The following SAMD13 variants were observed in gnomAD, a reference collection of about 807,000 sequenced individuals.
The protein encoded by SAMD13 is sterile alpha motif domain containing 13, also known as sterile alpha motif domain-containing protein 13.
Under a neutral mutation model 12.4 loss-of-function variants are expected in SAMD13, and 9 were observed. The ratio of observed to expected loss-of-function variants is 0.72; its 90% confidence interval spans 0.44 to 1.26. The LOEUF is 1.26. Among genes scored for constraint, SAMD13 ranks in the 50% most tolerant of loss-of-function variants. The pLI, the probability that SAMD13 is intolerant of heterozygous loss-of-function variation, is 0.00. For missense variants in SAMD13, 84 were observed against 119.6 expected, an observed-to-expected ratio of 0.70 and a Z score of 1.39; for synonymous variants, 46 against 45.4, an observed-to-expected ratio of 1.01 and a Z score of -0.05.
intron 2 of SAMD13, among the ~76,000 whole-genome samples, chr1:84,308,810 T>G (rs1572690498): frequency 1.3e-5 from 2 of 152,244 alleles, no homozygotes; most frequent in South Asian, 4.1e-4. Flanking sequence ...AAAGCCAGTT[T>G]ATTAATTGAG....
chr1:84,319,729 T>C (rs1442867177), intron 2 of SAMD13, among the ~76,000 whole-genome samples: 1 of 152,006 alleles, frequency 6.6e-6, no homozygotes, highest in Admixed American at 6.6e-5. Flanking sequence ...GTTTGTAAGA[T>C]CCTTTGTTTT....
At chr1:84,334,735 C>T (rs987456224) in intron 3 of SAMD13, among the ~76,000 whole-genome samples, 2 of 152,090 alleles carry the variant, frequency 1.3e-5, no homozygotes, top group Admixed American at 1.3e-4. Context: ...TTAGCTGTGT[C>T]CCAGAGATTC....
chr1:84,302,793 A>C, intron 1 of SAMD13: 4 of 488,888 alleles, frequency 8.2e-6, no homozygotes, highest in Non-Finnish European at 1.1e-5. Flanking sequence ...CAAACACAAT[A>C]AGAAAAAACA....
chr1:84,317,404 T>C (rs988239569), intron 2 of SAMD13, among the ~76,000 whole-genome samples: 4 of 152,132 alleles, frequency 2.6e-5, no homozygotes, highest in Non-Finnish European at 5.9e-5. Context: ...GTTGAGATTT[T>C]TTTTTTATCA....
intron 2 of SAMD13, among the ~76,000 whole-genome samples, chr1:84,305,315 A>T (rs72942043): frequency 0.037 from 5,669 of 152,168 alleles, 113 homozygotes; most frequent in Non-Finnish European, 0.048. Flanking sequence ...TCCTAGATGA[A>T]GTATTGTTCA....
chr1:84,338,432 CTTTTTTTTT>C (rs201864672), intron 3 of SAMD13, among the ~76,000 whole-genome samples: 1,497 of 100,674 alleles, frequency 0.015, 68 homozygotes, highest in Admixed American at 0.12. Context: ...ACTCATCTCT[CTTTTTTTTT>C]TTTTTTTTTT....
intron 2 of SAMD13, among the ~76,000 whole-genome samples, chr1:84,309,918 T>C (rs1039247556): frequency 6.6e-6 from 1 of 152,170 alleles, no homozygotes; most frequent in Non-Finnish European, 1.5e-5. Context: ...ATTAGTGAGA[T>C]ATGGATAGGA....
intron 2 of SAMD13, among the ~76,000 whole-genome samples, chr1:84,312,509 C>T (rs1317753405): frequency 6.6e-6 from 1 of 151,940 alleles, no homozygotes; most frequent in Non-Finnish European, 1.5e-5. Context: ...AAGGGATCCT[C>T]ATAACTCCTG....
At chr1:84,342,392 T>C (rs1480388064) in intron 3 of SAMD13, among the ~76,000 whole-genome samples, 2 of 152,182 alleles carry the variant, frequency 1.3e-5, no homozygotes, top group Non-Finnish European at 2.9e-5. Context: ...AAAGCTCATA[T>C]AGCCAAAACA....
chr1:84,314,775 T>C (rs1227190908), intron 2 of SAMD13, among the ~76,000 whole-genome samples: 1 of 152,146 alleles, frequency 6.6e-6, no homozygotes. Context: ...AAGTGGCTAA[T>C]TATTAAATAT....
At chr1:84,303,357 TCTTG>T in intron 2 of SAMD13, 70 bp downstream of exon 2, 1 of 1,262,332 alleles carries the variant, frequency 7.9e-7, no homozygotes, top group Non-Finnish European at 1.1e-6. Context: ...TTTTCGTACT[TCTTG>T]CTTATCTACT....
chr1:84,323,086 T>G (rs1678980201), intron 2 of SAMD13, among the ~76,000 whole-genome samples: 1 of 152,142 alleles, frequency 6.6e-6, no homozygotes, highest in Admixed American at 6.5e-5. Context: ...TGGGGGCACT[T>G]AAAAGTGTGT....
At chr1:84,320,206 G>T (rs780466732) in intron 2 of SAMD13, among the ~76,000 whole-genome samples, 2 of 152,168 alleles carry the variant, frequency 1.3e-5, no homozygotes, top group African/African-American at 2.4e-5. Context: ...CTAATCCCTG[G>T]AAGTTGAACA....
chr1:84,332,301 A>T (rs1026165958), intron 3 of SAMD13, among the ~76,000 whole-genome samples: 4 of 152,212 alleles, frequency 2.6e-5, no homozygotes, highest in African/African-American at 9.6e-5. Context: ...TTCTTTGAGA[A>T]ATCACCAAAC....
chr1:84,303,314 G>A (rs770759595), intron 2 of SAMD13, 27 bp downstream of exon 2: 12 of 1,570,562 alleles, frequency 7.6e-6, no homozygotes, highest in Non-Finnish European at 1.1e-5. Context: ...TCTGAGTTCT[G>A]CTTCTGCAAA....
At position 84,349,654 on chromosome 1, in the gene SAMD13, A is replaced by G; in HGVS notation, c.189A>G (p.Leu63=). ...AGGAAATTGATGGAAAATCCCTGCT[A>G]TTGATGACAAGAAATGATGTGTTGA... ...QEQEIDGKSL[L]LMTRNDVLTG... Residue 63 remains leucine (L), a synonymous_variant, in exon 4 of 4, where the codon CTA becomes CTG. Transcript: ENST00000394834. The G allele has an allele frequency of 1.2e-6, 2 of 1,613,672 alleles. No homozygotes were observed. Among genetic ancestry groups the G allele is most frequent in the South Asian group, 1.1e-5 (1 of 91,022 alleles).
rs138424415 is a variant in SAMD13 at position 84,324,743 on chromosome 1, G to A, written c.54-894G>A. ...AGAAAGCCAGACAAATACTCCCAAC[G>A]CAGAAATGAGGCAGAGTCCCAGTAA... On this transcript the variant is annotated intron_variant, in intron 2 of 3. Transcript: ENST00000394834. 1.9e-3 allele frequency among the ~76,000 whole-genome samples: 284 copies of A among 152,226 alleles called. 4 individuals are homozygous for A. The highest frequency in any genetic ancestry group is 6.4e-3 in the African/African-American group (265 of 41,544).
intron 2 of SAMD13, among the ~76,000 whole-genome samples, chr1:84,315,149 T>C (rs1678806568): frequency 6.6e-6 from 1 of 152,150 alleles, no homozygotes; most frequent in South Asian, 2.1e-4. Flanking sequence ...TACGATACAG[T>C]ATTATTATCT....
At chr1:84,345,023 C>T (rs1558465926) in intron 3 of SAMD13, 1 of 456,670 alleles carries the variant, frequency 2.2e-6, no homozygotes, top group Admixed American at 2.3e-5. Flanking sequence ...TCCACTCCTC[C>T]ATCTTTGATG....
Sources: allele counts gnomAD v4.1 joint callset (sites outside exome capture counted in the v4.1 genomes callset), GRCh38; gene constraint gnomAD v4.1.1; transcripts MANE v1.5; gene names NCBI Gene and HGNC (gene_info 2026-07-23, HGNC 2026-07-21).